VPS53: variants seen among roughly 807,000 people sequenced by gnomAD.
VPS53 encodes the protein vacuolar protein sorting-associated protein 53 homolog.
A neutral mutation model predicts 107.0 loss-of-function variants in VPS53; 70 were observed. The observed-to-expected ratio is 0.65, with a 90% confidence interval of 0.54 to 0.80. VPS53 has a LOEUF of 0.80. VPS53 is among the 30% of genes least tolerant of loss of function. VPS53 has a pLI of 0.00. For synonymous variants in VPS53, 409 were observed against 393.3 expected, an observed-to-expected ratio of 1.04 and a Z score of -0.47; for missense variants, 917 against 1,049.4, an observed-to-expected ratio of 0.87 and a Z score of 1.74.
At chr17:605,708 T>A (rs1274939089) in intron 11 of VPS53, among the ~76,000 whole-genome samples, 3 of 129,330 alleles carry the variant, frequency 2.3e-5, no homozygotes, top group South Asian at 2.6e-4. Flanking sequence ...AGTCCCATCA[T>A]ATTGGTGAGT....
rs1421202482 is a variant in VPS53 at position 628,296 on chromosome 17, C to T, written c.688-65G>A. The T allele has an allele frequency of 1.5e-5, 24 of 1,573,078 alleles. No individual in the cohort carries two copies. The South Asian group carries it at 2.8e-4, about 18-fold the overall frequency. ...AACCTTTAAACCTCATGGCTTCTCA[C>T]AGCCACTACTTGTTATCTCTACGCA... On this transcript the variant is annotated intron_variant, in intron 8 of 21. Transcript: ENST00000437048.
At chr17:572,152 G>A (rs1304002466) in intron 13 of VPS53, among the ~76,000 whole-genome samples, 84 of 150,854 alleles carry the variant, frequency 5.6e-4, no homozygotes, top group African/African-American at 2.0e-3. Context: ...GTCTCTGCCC[G>A]GCCGCCCATC....
chr17:629,688 G>T (rs1330883721), intron 8 of VPS53, among the ~76,000 whole-genome samples: 2 of 151,650 alleles, frequency 1.3e-5, no homozygotes, highest in African/African-American at 2.4e-5. Context: ...GCATGAACTC[G>T]GAAGGTGGAG....
intron 7 of VPS53, among the ~76,000 whole-genome samples, chr17:643,525 GA>G: frequency 1.9e-5 from 1 of 52,680 alleles, no homozygotes; most frequent in Non-Finnish European, 4.2e-5. Flanking sequence ...GGCAACTGAG[GA>G]CAACACTCAT....
intron 11 of VPS53, among the ~76,000 whole-genome samples, chr17:606,645 C>T (rs1181878574): frequency 6.6e-6 from 1 of 152,124 alleles, no homozygotes; most frequent in Non-Finnish European, 1.5e-5. Context: ...GGGCCACAGT[C>T]CATGGCCTGT....
chr17:536,268 C>T (rs1262076472), intron 18 of VPS53, among the ~76,000 whole-genome samples: 1 of 152,000 alleles, frequency 6.6e-6, no homozygotes, highest in Non-Finnish European at 1.5e-5. Context: ...TTCCTCGGAC[C>T]AAGAGTGTGT....
intron 6 of VPS53, among the ~76,000 whole-genome samples, chr17:654,270 A>T (rs1482703563): frequency 6.6e-6 from 1 of 152,224 alleles, no homozygotes; most frequent in Non-Finnish European, 1.5e-5. Context: ...AGGCGTCTGT[A>T]TCACAGACCT....
intron 17 of VPS53, among the ~76,000 whole-genome samples, chr17:551,083 G>C (rs893882296): frequency 2.6e-5 from 4 of 151,922 alleles, no homozygotes; most frequent in Middle Eastern, 3.4e-3. Flanking sequence ...TAAAGGACAT[G>C]GCTGATTGGT....
intron 15 of VPS53, among the ~76,000 whole-genome samples, chr17:557,704 T>C (rs2151846618): frequency 6.6e-6 from 1 of 152,244 alleles, no homozygotes; most frequent in East Asian, 1.9e-4. Context: ...AAAAACAATT[T>C]TCACTAAATA....
At chr17:698,580 G>A (rs114044627) in intron 3 of VPS53, among the ~76,000 whole-genome samples, 63 of 152,180 alleles carry the variant, frequency 4.1e-4, no homozygotes, top group African/African-American at 1.4e-3. Context: ...TGGTGCGCCT[G>A]TAGTCCCAGC....
At chr17:622,075 A>C (rs780315693) in intron 11 of VPS53, among the ~76,000 whole-genome samples, 2 of 151,922 alleles carry the variant, frequency 1.3e-5, no homozygotes, top group Non-Finnish European at 2.9e-5. Flanking sequence ...AGCCAGGCTT[A>C]GTGGTGTGCA....
At chr17:671,946 C>T (rs1971965339) in intron 4 of VPS53, among the ~76,000 whole-genome samples, 1 of 151,994 alleles carries the variant, frequency 6.6e-6, no homozygotes. Context: ...CTCGGCCTCC[C>T]AACATGCTGG....
At chr17:601,974 G>A in intron 11 of VPS53, 78 bp from the exon 12 acceptor site, 2 of 1,112,502 alleles carry the variant, frequency 1.8e-6, no homozygotes, top group Non-Finnish European at 2.5e-6. Flanking sequence ...CTTTTTCTAG[G>A]TGTCTCCAAC....
intron 19 of VPS53, among the ~76,000 whole-genome samples, chr17:530,143 C>CTTT (rs35030075): frequency 3.9e-5 from 5 of 127,278 alleles, no homozygotes; most frequent in South Asian, 2.6e-4. Context: ...AATTTATATT[C>CTTT]TTTTTTTTTT....
chr17:592,066 C>G (rs529545966), intron 12 of VPS53, among the ~76,000 whole-genome samples: 1 of 152,222 alleles, frequency 6.6e-6, no homozygotes, highest in African/African-American at 2.4e-5. Context: ...CTTTATGAAT[C>G]TGGGTGCTCC....
chr17:601,877 G>T lies in VPS53; in HGVS notation c.1136C>A (p.Pro379His). The change falls in exon 12 of 22, where the codon CCC becomes CAC. Residue 379 changes from proline (P) to histidine (H), a missense_variant. Transcript: ENST00000437048. ...TTCCAGGAAGGGATTGGTAGATGGGGGTGGAGACTCAAGCTTTTTCTGTTA... is the reference window on the plus strand; with the variant it reads ...TTCCAGGAAGGGATTGGTAGATGGGTGTGGAGACTCAAGCTTTTTCTGTTA... ...DGTLKKLESP[P>H]PSTNPFLEDE... 1 of 1,588,940 alleles carries T rather than the reference G, an allele frequency of 6.3e-7. No individual in the cohort carries two copies. The highest frequency in any genetic ancestry group is 8.6e-7 in the Non-Finnish European group (1 of 1,167,056).
At chr17:634,845 G>T (rs534889117) in intron 7 of VPS53, among the ~76,000 whole-genome samples, 1 of 150,300 alleles carries the variant, frequency 6.7e-6, no homozygotes, top group Non-Finnish European at 1.5e-5. Flanking sequence ...GAATAGTGCC[G>T]CAATAAACAT....
chr17:698,152 G>A lies in VPS53; in HGVS notation c.219-668C>T, dbSNP rs182886274. ...AAAGCCATTAAAAAGCTAGTCGAAG[G>A]ACAGACAGAATGGCTCACACCTATA... On this transcript the variant is annotated intron_variant, in intron 3 of 21. Coordinates refer to ENST00000437048, the MANE Select transcript of VPS53 (RefSeq NM_001128159.3). 1.7e-3 allele frequency among the ~76,000 whole-genome samples: 253 copies of A among 152,300 alleles called. 5 individuals carry two copies. Among genetic ancestry groups the A allele is most frequent in the Non-Finnish European group, 5.9e-4 (40 of 68,026 alleles).
At chr17:616,941 C>T (rs184658721) in intron 11 of VPS53, among the ~76,000 whole-genome samples, 125 of 152,332 alleles carry the variant, frequency 8.2e-4, no homozygotes, top group Non-Finnish European at 1.4e-3. Context: ...CCATTTGTTC[C>T]TCTGTGGTCC....
Sources: allele counts gnomAD v4.1 joint callset (sites outside exome capture counted in the v4.1 genomes callset), GRCh38; gene constraint gnomAD v4.1.1; transcripts MANE v1.5; gene names NCBI Gene and HGNC (gene_info 2026-07-23, HGNC 2026-07-21).